Variants in ANKS1B observed in about 807,000 individuals in gnomAD.
The protein encoded by ANKS1B is ankyrin repeat and sterile alpha motif domain containing 1B.
Under a neutral mutation model 148.3 loss-of-function variants are expected in ANKS1B, and 36 were observed. That is an observed-to-expected ratio of 0.24 (90% CI 0.19 to 0.32). ANKS1B has a LOEUF of 0.32. Among genes scored for constraint, ANKS1B ranks in the 10% least tolerant of loss-of-function variants. The probability of loss-of-function intolerance (pLI) is 1.00; values close to 1 mark genes in which losing one functional copy is unlikely to be tolerated. For synonymous variants in ANKS1B, 542 were observed against 560.8 expected (o/e 0.97, Z 0.47); for missense variants, 1,157 against 1,542.6 (o/e 0.75, Z 4.19).
chr12:99,415,833 G>A (rs1188388881), intron 11 of ANKS1B, among the ~76,000 whole-genome samples: 2 of 152,008 alleles, frequency 1.3e-5, no homozygotes, highest in Admixed American at 6.5e-5. Flanking sequence ...ACAGGCGCCC[G>A]CCACCACGCC....
At chr12:99,681,218 C>G (rs1472968501) in intron 8 of ANKS1B, among the ~76,000 whole-genome samples, 10 of 152,120 alleles carry the variant, frequency 6.6e-5, no homozygotes, top group Non-Finnish European at 1.3e-4. Context: ...CACCTCCTGG[C>G]TAGAGGCCAA....
At chr12:98,763,273 T>A (rs1803072729) in intron 25 of ANKS1B, among the ~76,000 whole-genome samples, 1 of 152,222 alleles carries the variant, frequency 6.6e-6, no homozygotes, top group African/African-American at 2.4e-5. Context: ...TTCACAGACT[T>A]CATTGACATC....
chr12:99,935,296 A>C (rs750469459), intron 1 of ANKS1B, among the ~76,000 whole-genome samples: 13 of 151,116 alleles, frequency 8.6e-5, no homozygotes, highest in Admixed American at 4.6e-4. Context: ...TGTTTAGAAA[A>C]GTGATAGTTT....
At chr12:98,863,024 T>C (rs1245656562) in intron 17 of ANKS1B, among the ~76,000 whole-genome samples, 1 of 152,252 alleles carries the variant, frequency 6.6e-6, no homozygotes, top group Admixed American at 6.5e-5. Flanking sequence ...ACAGGCACTC[T>C]GTGTAAAACC....
intron 9 of ANKS1B, among the ~76,000 whole-genome samples, chr12:99,614,408 C>G (rs1217987360): frequency 1.6e-5 from 2 of 127,876 alleles, no homozygotes; most frequent in African/African-American, 5.9e-5. Context: ...GCAATCCAGC[C>G]TGGGTGACAG....
At chr12:99,098,289 C>T (rs1566054988) in intron 15 of ANKS1B, among the ~76,000 whole-genome samples, 1 of 152,194 alleles carries the variant, frequency 6.6e-6, no homozygotes, top group South Asian at 2.1e-4. Flanking sequence ...TGACAAGTGT[C>T]TTCTGCATGG....
chr12:99,574,105 A>C (rs1261885401), intron 9 of ANKS1B, among the ~76,000 whole-genome samples: 1 of 152,032 alleles, frequency 6.6e-6, no homozygotes. Context: ...GGTTTATTCA[A>C]TTCCATGGCC....
intron 1 of ANKS1B, among the ~76,000 whole-genome samples, chr12:99,969,790 CA>C (rs1300606187): frequency 6.6e-6 from 1 of 152,150 alleles, no homozygotes; most frequent in Non-Finnish European, 1.5e-5. Context: ...GGAAGCAATA[CA>C]GCACAATTGA....
chr12:98,782,472 A>T (rs2098747280), intron 22 of ANKS1B, among the ~76,000 whole-genome samples: 2 of 152,234 alleles, frequency 1.3e-5, no homozygotes, highest in South Asian at 4.1e-4. Flanking sequence ...AGGAAAAAAT[A>T]GAAACTTTCT....
At chr12:99,386,065 A>G (rs1307027837) in intron 12 of ANKS1B, among the ~76,000 whole-genome samples, 1 of 152,218 alleles carries the variant, frequency 6.6e-6, no homozygotes, top group African/African-American at 2.4e-5. Flanking sequence ...AATAAAATAG[A>G]ACCCAGACAT....
rs1207812938 is a variant in ANKS1B at position 99,874,264 on chromosome 12, ATAAT to A, written c.135-48879_135-48876del. ...TAAACTGCAATTTCACCTCCCTAAT[ATAAT>A]TATTTTACCGCAACCAAAGAGCAAC... is the stretch of plus-strand genomic sequence containing the variant. On this transcript the variant is annotated intron_variant, in intron 1 of 26. Transcript: ENST00000683438. Among the ~76,000 whole-genome samples, 5 of 152,150 alleles carry A rather than the reference ATAAT, an allele frequency of 3.3e-5. No homozygotes were observed. In the East Asian group the frequency reaches 9.7e-4, roughly 29 times the overall value.
At chr12:99,311,494 T>C (rs891269696) in intron 12 of ANKS1B, among the ~76,000 whole-genome samples, 1 of 151,976 alleles carries the variant, frequency 6.6e-6, no homozygotes, top group Non-Finnish European at 1.5e-5. Context: ...TGAAGAGAGA[T>C]TGATGAAACA....
At chr12:99,579,723 A>G (rs993886770) in intron 9 of ANKS1B, among the ~76,000 whole-genome samples, 3 of 152,224 alleles carry the variant, frequency 2.0e-5, no homozygotes, top group Non-Finnish European at 2.9e-5. Flanking sequence ...AGTTACAGAG[A>G]AAAGGGAATG....
At chr12:98,890,458 G>T (rs1393371145) in intron 17 of ANKS1B, among the ~76,000 whole-genome samples, 1 of 152,152 alleles carries the variant, frequency 6.6e-6, no homozygotes, top group Admixed American at 6.5e-5. Context: ...CATATGGTCT[G>T]CAAGTCTTTT....
intron 1 of ANKS1B, among the ~76,000 whole-genome samples, chr12:99,912,579 C>T (rs549471382): frequency 5.3e-5 from 8 of 152,070 alleles, no homozygotes; most frequent in South Asian, 2.1e-4. Flanking sequence ...CTGGAACTCC[C>T]GGCCTTAAGC....
chr12:99,647,969 G>A, intron 9 of ANKS1B: 1 of 660,424 alleles, frequency 1.5e-6, no homozygotes, highest in Non-Finnish European at 2.5e-6. Context: ...TCTGGATCCA[G>A]GGGACTGACT....
intron 17 of ANKS1B, among the ~76,000 whole-genome samples, chr12:98,954,147 C>G (rs561173989): frequency 4.6e-4 from 70 of 152,298 alleles, no homozygotes; most frequent in Non-Finnish European, 1.2e-4. Context: ...GCATGAAACA[C>G]TTGTCTGTCC....
intron 10 of ANKS1B, among the ~76,000 whole-genome samples, chr12:99,495,350 T>G (rs1482115701): frequency 6.7e-6 from 1 of 148,380 alleles, no homozygotes; most frequent in East Asian, 2.0e-4. Flanking sequence ...AAAGTGTGTG[T>G]GTGTGTGTGT....
chr12:99,717,045 T>A (rs989288948), intron 8 of ANKS1B, among the ~76,000 whole-genome samples: 3 of 152,212 alleles, frequency 2.0e-5, no homozygotes, highest in Non-Finnish European at 4.4e-5. Context: ...CCTTTTTCTT[T>A]ATCCCAAATC....
Sources: allele counts gnomAD v4.1 joint callset (sites outside exome capture counted in the v4.1 genomes callset), GRCh38; gene constraint gnomAD v4.1.1; transcripts MANE v1.5; gene names NCBI Gene and HGNC (gene_info 2026-07-23, HGNC 2026-07-21).